LRRIQ3: variants seen among roughly 807,000 people sequenced by gnomAD.
LRRIQ3 encodes leucine-rich repeat and IQ domain-containing protein 3.
Under a neutral mutation model 59.3 loss-of-function variants are expected in LRRIQ3, and 75 were observed. The ratio of observed to expected loss-of-function variants is 1.26; its 90% CI spans 1.05 to 1.53. The LOEUF (loss-of-function observed/expected upper bound fraction) is 1.53. Ranked by LOEUF, LRRIQ3 falls within the 40% of genes most tolerant of loss-of-function variation. The pLI is 0.00. For synonymous variants in LRRIQ3, 250 were observed against 231.3 expected (o/e 1.08, Z -0.73); for missense variants, 831 against 710.0 (o/e 1.17, Z -1.94).
At chr1:74,180,156 C>A (rs958640757) in intron 3 of LRRIQ3, 1 of 151,820 alleles carries the variant, frequency 6.6e-6, no homozygotes, top group African/African-American at 2.4e-5. Context: ...TCTAAAGATG[C>A]GACATCCTCT....
chr1:74,170,889 C>T (rs1649283049), intron 3 of LRRIQ3, among the ~76,000 whole-genome samples: 1 of 151,998 alleles, frequency 6.6e-6, no homozygotes, highest in South Asian at 2.1e-4. Context: ...TTTTCACCTC[C>T]TTGGATAGGT....
rs561533065 is a variant in LRRIQ3 at position 74,122,554 on chromosome 1, C to A, written c.708-13001G>T. On this transcript the variant is annotated intron_variant, in intron 4 of 7. Coordinates refer to ENST00000354431, the MANE Select transcript of LRRIQ3 (RefSeq NM_001105659.2). ...TCTACAATCATCTAATCTTTGACAA[C>A]TCTGACAAAAACAAGAAATGGGGAA... Among the ~76,000 whole-genome samples, 363 of 152,052 alleles carry A rather than the reference C, an allele frequency of 2.4e-3. 1 individual carries two copies. Among genetic ancestry groups the A allele is most frequent in the African/African-American group, 8.5e-3 (354 of 41,502 alleles).
chr1:74,154,240 C>CAAAAAAA lies in LRRIQ3; in HGVS notation c.707+1486_707+1492dup, dbSNP rs71078186. The stretch of plus-strand genomic sequence containing the variant: ...TGGGCGACAGAGCGAGACTCCTTCT[C>CAAAAAAA]AAAAAAAAAAAAAAAAAAAAAAAAA... On this transcript the variant is annotated intron_variant, in intron 4 of 7. Coordinates refer to ENST00000354431, the MANE Select transcript of LRRIQ3 (RefSeq NM_001105659.2). 3.8e-3 allele frequency among the ~76,000 whole-genome samples: 220 copies of CAAAAAAA among 57,274 alleles called. 21 individuals are homozygous for CAAAAAAA. The highest frequency in any genetic ancestry group is 4.3e-3 in the African/African-American group (59 of 13,730). The allele number at this position is 57,274 out of a possible 152,430, so 37.6% of individuals were successfully genotyped here.
intron 4 of LRRIQ3, among the ~76,000 whole-genome samples, chr1:74,115,206 C>T (rs1424444955): frequency 6.6e-6 from 1 of 152,004 alleles, no homozygotes; most frequent in Admixed American, 6.6e-5. Flanking sequence ...AAACACTGTT[C>T]TAGACTCTAA....
At position 74,192,031 on chromosome 1, in the gene LRRIQ3, T is replaced by A. The variant is rs115858580; in HGVS notation, c.-1+5965A>T. The stretch of plus-strand genomic sequence containing the variant: ...CAGAAGAGTCCATAAAGATCTATAG[T>A]CTCTATAAAAAATAAATACTCTACT... On this transcript the variant is annotated intron_variant, in intron 1 of 7. Transcript: ENST00000354431. Among the ~76,000 whole-genome samples, 715 of 152,152 alleles carry A rather than the reference T, an allele frequency of 4.7e-3. 8 individuals carry two copies. The highest frequency in any genetic ancestry group is 0.017 in the African/African-American group (688 of 41,528).
At chr1:74,088,974 A>T (rs1366004846) in intron 5 of LRRIQ3, among the ~76,000 whole-genome samples, 1 of 152,076 alleles carries the variant, frequency 6.6e-6, no homozygotes, top group African/African-American at 2.4e-5. Flanking sequence ...AATAATAAAA[A>T]GATAATCTAT....
intron 6 of LRRIQ3, among the ~76,000 whole-genome samples, chr1:74,054,964 ATAT>A (rs1314742325): frequency 1.4e-5 from 2 of 147,368 alleles, no homozygotes; most frequent in East Asian, 1.9e-4. Flanking sequence ...ATTATATAAA[ATAT>A]TATAAATATA....
At chr1:74,075,009 T>C (rs1646187378) in intron 5 of LRRIQ3, among the ~76,000 whole-genome samples, 1 of 152,012 alleles carries the variant, frequency 6.6e-6, no homozygotes, top group South Asian at 2.1e-4. Flanking sequence ...CCTTGGCCAA[T>C]GCTGTGAGAG....
intron 4 of LRRIQ3, among the ~76,000 whole-genome samples, chr1:74,110,929 C>A (rs1490039513): frequency 6.6e-6 from 1 of 151,942 alleles, no homozygotes; most frequent in Non-Finnish European, 1.5e-5. Flanking sequence ...CCATCAGCTA[C>A]ATGATGAATG....
chr1:74,155,812 T>C lies in LRRIQ3; in HGVS notation c.628A>G (p.Asn210Asp), dbSNP rs1371732186. The C allele has an allele frequency of 1.3e-6, 2 of 1,585,264 alleles. No homozygotes were observed. The highest frequency in any genetic ancestry group is 1.7e-6 in the Non-Finnish European group (2 of 1,167,710). Residue 210 changes from asparagine to aspartate, a missense_variant, in exon 4 of 8, where the codon AAT (asparagine) becomes GAT (aspartate). By Grantham distance (23) the Asn-to-Asp change is conservative. Coordinates refer to ENST00000354431, the MANE Select transcript of LRRIQ3 (RefSeq NM_001105659.2). The stretch of plus-strand genomic sequence containing the variant: ...GGTGAATTATGAGCCAGAATTGCAT[T>C]AATTTTTGAAGTAATATGTTTAATA... ...NNIKHITSKI[N>D]AILAHNSPVL...
At position 74,151,733 on chromosome 1, in the gene LRRIQ3, G is replaced by A. The variant is rs72962133; in HGVS notation, c.707+4000C>T. ...TCTCTTACAGGTCAAAGCCCAAAGT[G>A]AGGAGAATTTCCTGGGAAAATAATA... On this transcript the variant is annotated intron_variant, in intron 4 of 7. Transcript: ENST00000354431. Among the ~76,000 whole-genome samples the A allele has an allele frequency of 1.8e-3, 277 of 152,234 alleles. 1 individual carries two copies. Among genetic ancestry groups the A allele is most frequent in the African/African-American group, 6.2e-3 (259 of 41,542 alleles).
At chr1:74,149,942 T>C (rs1471814563) in intron 4 of LRRIQ3, among the ~76,000 whole-genome samples, 2 of 152,198 alleles carry the variant, frequency 1.3e-5, no homozygotes, top group Non-Finnish European at 2.9e-5. Flanking sequence ...AAAGACCCTA[T>C]TTCTTAGCTG....
intron 4 of LRRIQ3, among the ~76,000 whole-genome samples, chr1:74,115,146 A>AAGT (rs1646761264): frequency 6.6e-6 from 1 of 152,090 alleles, no homozygotes. Context: ...ATCTCAGAAG[A>AAGT]AGTATTTATT....
chr1:74,115,860 G>A (rs1474956499), intron 4 of LRRIQ3, among the ~76,000 whole-genome samples: 1 of 151,882 alleles, frequency 6.6e-6, no homozygotes, highest in African/African-American at 2.4e-5. Flanking sequence ...AAAGTCAAAT[G>A]TTGGAACAGG....
intron 3 of LRRIQ3, among the ~76,000 whole-genome samples, chr1:74,160,103 C>T (rs1648572838): frequency 6.6e-6 from 1 of 151,998 alleles, no homozygotes; most frequent in Non-Finnish European, 1.5e-5. Flanking sequence ...TGAAATGTTT[C>T]CCCAAGATCT....
chr1:74,084,351 G>A (rs1646304817), intron 5 of LRRIQ3: 9 of 791,688 alleles, frequency 1.1e-5, no homozygotes, highest in Non-Finnish European at 1.7e-5. Context: ...TTGCTTTTAG[G>A]TGCTCATGAA....
intron 5 of LRRIQ3, among the ~76,000 whole-genome samples, chr1:74,075,882 A>G (rs1158886054): frequency 6.6e-6 from 1 of 152,134 alleles, no homozygotes; most frequent in East Asian, 1.9e-4. Context: ...TCCAAACACC[A>G]TTTCAGTCAG....
rs1351283979 is a variant in LRRIQ3 at position 74,072,472 on chromosome 1, A to G, written c.997+2189T>C. On this transcript the variant is annotated intron_variant, in intron 6 of 7. Transcript: ENST00000354431. ...TCCCATGAACCTCCTAAAATTATAAATAAAATGCTTTTGTGCTCATATATA... is the reference window on the plus strand; with the variant it reads ...TCCCATGAACCTCCTAAAATTATAAGTAAAATGCTTTTGTGCTCATATATA... Among the ~76,000 whole-genome samples, 6 of 151,996 alleles carry G rather than the reference A, an allele frequency of 3.9e-5. No individual in the cohort carries two copies. In the South Asian group the frequency reaches 6.2e-4, roughly 16 times the overall value.
intron 5 of LRRIQ3, among the ~76,000 whole-genome samples, chr1:74,096,635 A>G (rs1646452971): frequency 6.6e-6 from 1 of 151,990 alleles, no homozygotes; most frequent in Non-Finnish European, 1.5e-5. Context: ...TGATTTTTGG[A>G]ATTTTCAGCT....
Sources: gnomAD v4.1 joint callset for allele counts (sites outside exome capture counted in the v4.1 genomes callset) on GRCh38, gnomAD v4.1.1 for gene constraint, MANE v1.5 for transcripts, NCBI Gene and HGNC (gene_info 2026-07-23, HGNC 2026-07-21) for gene names.